ZC4H2: variants seen among roughly 807,000 people sequenced by gnomAD.
ZC4H2 encodes zinc finger C4H2-type containing, also known as zinc finger C4H2 domain-containing protein.
For missense variants in ZC4H2, 137 were observed against 173.9 expected (o/e 0.79, Z 1.19); for synonymous variants, 84 against 66.3 (o/e 1.27, Z -1.30).
intron 1 of ZC4H2, among the ~76,000 whole-genome samples, chrX:64,950,842 C>T (rs1442091788): frequency 9.1e-6 from 1 of 110,256 alleles, no homozygotes; most frequent in Non-Finnish European, 1.9e-5. Context: ...GTTTAGAGTA[C>T]ATGTCCACAA....
At chrX:65,013,610 C>T (rs1238452822) in intron 1 of ZC4H2, among the ~76,000 whole-genome samples, 2 of 111,098 alleles carry the variant, frequency 1.8e-5, no homozygotes, top group Non-Finnish European at 3.8e-5. Flanking sequence ...GGAACTGAGG[C>T]CCCTCAGTCC....
At chrX:64,980,732 A>G (rs1345781981), upstream of ZC4H2, among the ~76,000 whole-genome samples, 1 of 111,412 alleles carries the variant, frequency 9.0e-6, no homozygotes, top group Admixed American at 9.6e-5. Context: ...AAGTGGCAGA[A>G]CTGAGATTCA....
chrX:64,957,406 T>G (rs1382680286), intron 1 of ZC4H2, among the ~76,000 whole-genome samples: 1 of 112,561 alleles, frequency 8.9e-6, no homozygotes, highest in Non-Finnish European at 1.9e-5. Flanking sequence ...GCTGAAGCTT[T>G]TCTTTTAACA....
intron 1 of ZC4H2, among the ~76,000 whole-genome samples, chrX:64,986,807 C>T (rs1015085328): frequency 9.0e-6 from 1 of 110,800 alleles, no homozygotes; most frequent in African/African-American, 3.3e-5. Context: ...AAGGCAGGAG[C>T]CTAATGATAA....
chrX:64,966,722 A>G (rs1931605214), intron 1 of ZC4H2, among the ~76,000 whole-genome samples: 1 of 112,022 alleles, frequency 8.9e-6, no homozygotes, highest in African/African-American at 3.2e-5. Flanking sequence ...TTGTATAACT[A>G]TTTATATGCA....
At chrX:64,934,111 G>C (rs1244892743) in intron 1 of ZC4H2, among the ~76,000 whole-genome samples, 1 of 112,160 alleles carries the variant, frequency 8.9e-6, no homozygotes. Flanking sequence ...TCAGCAGAGA[G>C]ACCTGGGAGA....
intron 1 of ZC4H2, among the ~76,000 whole-genome samples, chrX:64,925,403 T>C (rs1405778587): frequency 8.9e-6 from 1 of 112,277 alleles, no homozygotes; most frequent in African/African-American, 3.2e-5. Context: ...ATGTAGTCCC[T>C]GAATCTAAAA....
rs1929210925 is a variant in ZC4H2 at position 64,921,861 on chromosome X, C to T, written c.181G>A (p.Ala61Thr). 1 of 1,210,586 alleles carries T rather than the reference C, an allele frequency of 8.3e-7. No homozygotes were observed. The highest frequency in any genetic ancestry group is 3.0e-5 in the East Asian group (1 of 33,763). Residue 61 changes from alanine to threonine, a missense_variant, in exon 2 of 5, where the codon GCC becomes ACC. By Grantham distance (58) the Ala-to-Thr change is moderately conservative. Transcript: ENST00000374839. ...ATCAGTCGGAGTTCCTCCACATGGG[C>T]CATCTTCTCCTGTAGCAGAAGGTCC... ...EMDLLLQEKM[A>T]HVEELRLIHA... is the part of the protein sequence containing the mutation.
At chrX:64,941,769 T>C (rs749979543) in intron 1 of ZC4H2, among the ~76,000 whole-genome samples, 18 of 112,273 alleles carry the variant, frequency 1.6e-4, no homozygotes, top group Admixed American at 1.4e-3. Flanking sequence ...AATGAGCTTT[T>C]TGATGTGCTG....
In ZC4H2 at chrX:64,920,108, C is replaced by T; in HGVS notation, c.371G>A (p.Cys124Tyr). ...TLGLQRLPDLCEEEEKLSLDY... is the reference protein window; with the variant it reads ...TLGLQRLPDLYEEEEKLSLDY... ...CAAGGAAAGCTTCTCCTCTTCTTCA[C>T]ACAAGTCAGGGAGCCTCTGCAGGCC... Residue 124 changes from cysteine to tyrosine, a missense_variant, in exon 3 of 5, where the codon TGT (cysteine) becomes TAT (tyrosine). By Grantham distance (194) the Cys-to-Tyr change is radical. Coordinates refer to ENST00000374839, the MANE Select transcript of ZC4H2 (RefSeq NM_018684.4). 1 of 1,210,887 alleles carries T rather than the reference C, an allele frequency of 8.3e-7. No homozygotes were observed. Among genetic ancestry groups the T allele is most frequent in the Non-Finnish European group, 1.1e-6 (1 of 895,172 alleles).
At chrX:64,921,024 G>C (rs1378173436) in intron 2 of ZC4H2, among the ~76,000 whole-genome samples, 1 of 112,095 alleles carries the variant, frequency 8.9e-6, no homozygotes. Flanking sequence ...AGAATTCTGC[G>C]ATCTCTAACA....
chrX:64,968,767 A>G (rs1307266480), intron 1 of ZC4H2, among the ~76,000 whole-genome samples: 1 of 111,360 alleles, frequency 9.0e-6, no homozygotes, highest in Non-Finnish European at 1.9e-5. Flanking sequence ...AGTATTCCTG[A>G]GCTCCTGTCC....
chrX:64,921,665 C>A, intron 2 of ZC4H2, 152 bp downstream of exon 2: 1 of 590,505 alleles, frequency 1.7e-6, no homozygotes, highest in East Asian at 3.7e-5. Context: ...AGGGCTGGAT[C>A]TCAGAACTCC....
intron 1 of ZC4H2, among the ~76,000 whole-genome samples, chrX:64,957,639 C>T (rs961963719): frequency 1.1e-4 from 12 of 110,056 alleles, no homozygotes; most frequent in African/African-American, 2.0e-4. Flanking sequence ...GCAGGAGGAT[C>T]GCTTGAGGCC....
intron 1 of ZC4H2, among the ~76,000 whole-genome samples, chrX:64,988,203 A>T (rs1453689002): frequency 3.6e-5 from 4 of 110,653 alleles, no homozygotes. Flanking sequence ...ATACGTGTGC[A>T]TGTGTCTTTA....
At chrX:65,019,269 A>G (rs933413025) in intron 1 of ZC4H2, among the ~76,000 whole-genome samples, 10 of 111,747 alleles carry the variant, frequency 8.9e-5, no homozygotes, top group African/African-American at 3.3e-4. Flanking sequence ...GCCGAAAGAC[A>G]CCTCATACAG....
At chrX:65,008,570 T>C (rs1380372516) in intron 1 of ZC4H2, among the ~76,000 whole-genome samples, 1 of 112,506 alleles carries the variant, frequency 8.9e-6, no homozygotes, top group Non-Finnish European at 1.9e-5. Flanking sequence ...ACTAAGTGTC[T>C]ATCAACAGAT....
chrX:64,928,239 G>A (rs372659594), intron 1 of ZC4H2, among the ~76,000 whole-genome samples: 1 of 111,947 alleles, frequency 8.9e-6, no homozygotes. Flanking sequence ...TTTCTTCTAG[G>A]AATTTTATGG....
At chrX:64,946,340 G>T (rs1930531254) in intron 1 of ZC4H2, among the ~76,000 whole-genome samples, 1 of 110,943 alleles carries the variant, frequency 9.0e-6, no homozygotes, top group African/African-American at 3.3e-5. Flanking sequence ...GCTTCCCTTG[G>T]CTAGAACAGG....
Sources: allele counts gnomAD v4.1 joint callset (sites outside exome capture counted in the v4.1 genomes callset), GRCh38; gene constraint gnomAD v4.1.1; transcripts MANE v1.5; gene names NCBI Gene and HGNC (gene_info 2026-07-23, HGNC 2026-07-21).